TMTC2: variants seen among roughly 807,000 people sequenced by gnomAD.
TMTC2 encodes the protein protein O-mannosyl-transferase TMTC2.
A neutral mutation model predicts 82.4 loss-of-function variants in TMTC2; 43 were observed. The observed-to-expected ratio is 0.52, with a 90% CI of 0.41 to 0.67. The LOEUF (loss-of-function observed/expected upper bound fraction) is 0.67. Among genes scored for constraint, TMTC2 ranks in the 30% least tolerant of loss-of-function variants. The pLI, the probability that TMTC2 is intolerant of heterozygous loss-of-function variation, is 0.00. For synonymous variants in TMTC2, 408 were observed against 381.9 expected, an observed-to-expected ratio of 1.07 and a Z score of -0.80; for missense variants, 919 against 1,012.4, an observed-to-expected ratio of 0.91 and a Z score of 1.25.
chr12:82,972,774 C>T (rs938312903), intron 7 of TMTC2, among the ~76,000 whole-genome samples: 1 of 152,110 alleles, frequency 6.6e-6, no homozygotes, highest in Admixed American at 6.5e-5. Flanking sequence ...TAGGTCTGTA[C>T]ATTATGTTGT....
At chr12:82,912,992 A>G (rs1874781764) in intron 3 of TMTC2, among the ~76,000 whole-genome samples, 1 of 151,392 alleles carries the variant, frequency 6.6e-6, no homozygotes, top group African/African-American at 2.4e-5. Context: ...GTAAATATTT[A>G]CAATAATTTT....
rs571345995 is a variant in TMTC2 at position 82,929,548 on chromosome 12, C to T, written c.1484-883C>T. Among the ~76,000 whole-genome samples, 10 of 152,048 alleles carry T rather than the reference C, an allele frequency of 6.6e-5. No homozygotes were observed. In the South Asian group the frequency reaches 2.1e-3, roughly 32 times the overall value. ...TGCATTAAAATTGATAACTCAAAAC[C>T]CTTTCATTTTTCAGGTACAGTCAGT... is the stretch of plus-strand genomic sequence containing the variant. On this transcript the variant is annotated intron_variant, in intron 3 of 11. Transcript: ENST00000321196.
At chr12:82,878,568 G>T (rs562022316) in intron 2 of TMTC2, among the ~76,000 whole-genome samples, 1 of 152,298 alleles carries the variant, frequency 6.6e-6, no homozygotes, top group South Asian at 2.1e-4. Flanking sequence ...GCAGTACCAC[G>T]AGGGGACTTT....
chr12:83,034,974 C>T (rs1385588216), intron 9 of TMTC2, among the ~76,000 whole-genome samples: 4 of 152,174 alleles, frequency 2.6e-5, no homozygotes, highest in Admixed American at 2.6e-4. Flanking sequence ...AATAACACTT[C>T]CTCAACTTAA....
rs1365989171 is a variant in TMTC2, at chr12:82,930,516, C to T, written c.1569C>T (p.Arg523=). Residue 523 remains arginine (R), a synonymous_variant, in exon 4 of 12, where the codon CGC becomes CGT. Transcript: ENST00000321196. ...ESAYRNALYY[R]SNMADMLYNL... ...CCTATAGAAATGCTTTGTACTACCG[C>T]AGCAACATGGCTGACATGCTTTATA... 1.3e-6 allele frequency: 2 copies of T among 1,599,134 alleles called. No individual in the cohort carries two copies. The highest frequency in any genetic ancestry group is 2.2e-5 in the South Asian group (2 of 89,756).
chr12:82,841,787 T>C (rs933625097), intron 1 of TMTC2, among the ~76,000 whole-genome samples: 4 of 152,210 alleles, frequency 2.6e-5, no homozygotes, highest in South Asian at 2.1e-4. Flanking sequence ...TTTTGTAATA[T>C]GAAATTATAG....
intron 11 of TMTC2, among the ~76,000 whole-genome samples, chr12:83,102,539 A>T (rs1326116042): frequency 6.6e-6 from 1 of 152,228 alleles, no homozygotes; most frequent in African/African-American, 2.4e-5. Flanking sequence ...GCATGTGATA[A>T]GTGTTCTTTA....
At chr12:82,932,038 TG>T (rs1448209965) in intron 4 of TMTC2, among the ~76,000 whole-genome samples, 2 of 152,198 alleles carry the variant, frequency 1.3e-5, no homozygotes, top group East Asian at 1.9e-4. Flanking sequence ...TAATGAATGC[TG>T]TGTGATACTG....
chr12:83,006,403 C>A (rs1213679872), intron 8 of TMTC2, among the ~76,000 whole-genome samples: 1 of 152,070 alleles, frequency 6.6e-6, no homozygotes, highest in Non-Finnish European at 1.5e-5. Flanking sequence ...CTTTTTATTT[C>A]TTTGCTATCA....
At chr12:82,972,762 T>C (rs1878505227) in intron 7 of TMTC2, among the ~76,000 whole-genome samples, 1 of 152,148 alleles carries the variant, frequency 6.6e-6, no homozygotes, top group Non-Finnish European at 1.5e-5. Flanking sequence ...CAAATTCTAC[T>C]TTAGGTCTGT....
intron 1 of TMTC2, among the ~76,000 whole-genome samples, chr12:82,758,391 A>G (rs945657538): frequency 6.6e-6 from 1 of 152,182 alleles, no homozygotes; most frequent in African/African-American, 2.4e-5. Flanking sequence ...ACTGCTGTAT[A>G]ACATTCTACA....
At chr12:83,132,183 T>C (rs7970515) in intron 11 of TMTC2, 27 bp from the exon 12 acceptor site, 323,454 of 1,567,826 alleles carry the variant, frequency 0.21, 34,904 homozygotes, top group African/African-American at 0.31. Context: ...GGCCTCCTAA[T>C]TGTTTTCCTT....
intron 1 of TMTC2, among the ~76,000 whole-genome samples, chr12:82,852,643 G>A (rs893818694): frequency 5.9e-5 from 9 of 152,178 alleles, no homozygotes; most frequent in African/African-American, 1.2e-4. Flanking sequence ...TTCATTAGCT[G>A]TGAAACAGCA....
chr12:83,115,758 A>G (rs1884734455), intron 11 of TMTC2, among the ~76,000 whole-genome samples: 1 of 151,998 alleles, frequency 6.6e-6, no homozygotes, highest in South Asian at 2.1e-4. Context: ...CCCGGGCAGT[A>G]TACACTGTAC....
chr12:82,694,355 C>G (rs1872700705), intron 1 of TMTC2, among the ~76,000 whole-genome samples: 1 of 152,004 alleles, frequency 6.6e-6, no homozygotes, highest in Non-Finnish European at 1.5e-5. Flanking sequence ...GATTTAGATT[C>G]CATTTTATTG....
intron 1 of TMTC2, among the ~76,000 whole-genome samples, chr12:82,722,153 TA>T (rs1380115604): frequency 3.3e-5 from 5 of 152,098 alleles, no homozygotes; most frequent in Non-Finnish European, 7.4e-5. Context: ...GCTTTTGACT[TA>T]AAAAAGAAAA....
intron 1 of TMTC2, among the ~76,000 whole-genome samples, chr12:82,755,631 A>G (rs1373772539): frequency 6.6e-6 from 1 of 152,190 alleles, no homozygotes; most frequent in Non-Finnish European, 1.5e-5. Context: ...GGAGCTGGAG[A>G]TACAGAATCC....
chr12:83,130,848 G>A (rs546239214), intron 11 of TMTC2, among the ~76,000 whole-genome samples: 1 of 152,234 alleles, frequency 6.6e-6, no homozygotes, highest in African/African-American at 2.4e-5. Flanking sequence ...ATGAAGGAAG[G>A]GCACAGATAT....
intron 9 of TMTC2, among the ~76,000 whole-genome samples, chr12:83,039,034 C>T (rs1338116639): frequency 2.0e-5 from 3 of 149,366 alleles, no homozygotes; most frequent in East Asian, 2.0e-4. Flanking sequence ...CGGGTTCAAG[C>T]GATTCTCCAG....
Sources: allele counts gnomAD v4.1 joint callset (sites outside exome capture counted in the v4.1 genomes callset), GRCh38; gene constraint gnomAD v4.1.1; transcripts MANE v1.5; gene names NCBI Gene and HGNC (gene_info 2026-07-23, HGNC 2026-07-21).